DGKI: variants seen among roughly 807,000 people sequenced by gnomAD.
The protein encoded by DGKI is diacylglycerol kinase iota.
Under a neutral mutation model 147.5 loss-of-function variants are expected in DGKI, and 55 were observed. The ratio of observed to expected loss-of-function variants is 0.37; its 90% CI spans 0.30 to 0.47. The LOEUF is 0.47. DGKI is among the 20% of genes least tolerant of loss of function. The pLI, the probability that DGKI is intolerant of heterozygous loss-of-function variation, is 1.00. For synonymous variants in DGKI, 469 were observed against 477.1 expected (o/e 0.98, Z 0.22); for missense variants, 1,007 against 1,323.8 (o/e 0.76, Z 3.71).
At chr7:137,525,918 G>A (rs1262330573) in intron 20 of DGKI, among the ~76,000 whole-genome samples, 1 of 151,846 alleles carries the variant, frequency 6.6e-6, no homozygotes, top group Non-Finnish European at 1.5e-5. Context: ...CTTGGCTGGT[G>A]GCATGACATT....
chr7:137,588,668 G>A (rs1462788482), intron 12 of DGKI, among the ~76,000 whole-genome samples: 1 of 151,928 alleles, frequency 6.6e-6, no homozygotes, highest in Non-Finnish European at 1.5e-5. Context: ...AGTAGAGACG[G>A]GGTTTCACCG....
At chr7:137,614,713 T>C (rs1269962112) in intron 8 of DGKI, among the ~76,000 whole-genome samples, 1 of 152,254 alleles carries the variant, frequency 6.6e-6, no homozygotes, top group East Asian at 1.9e-4. Flanking sequence ...GCATCAAGGT[T>C]TCACAGAGCT....
intron 1 of DGKI, among the ~76,000 whole-genome samples, chr7:137,716,060 T>C (rs1794367064): frequency 6.6e-6 from 1 of 152,118 alleles, no homozygotes. Context: ...GAGCAAGAGT[T>C]TGAAGCTCTG....
At chr7:137,830,454 T>G (rs1475473029) in intron 1 of DGKI, among the ~76,000 whole-genome samples, 1 of 152,198 alleles carries the variant, frequency 6.6e-6, no homozygotes, top group Non-Finnish European at 1.5e-5. Flanking sequence ...ATCCCAGACT[T>G]GAAACCTGTT....
chr7:137,699,032 C>T (rs150282333), intron 1 of DGKI, among the ~76,000 whole-genome samples: 1 of 152,192 alleles, frequency 6.6e-6, no homozygotes, highest in Non-Finnish European at 1.5e-5. Flanking sequence ...TTATGAACAA[C>T]AGACATTTAT....
At chr7:137,499,356 A>G (rs975751277) in intron 21 of DGKI, among the ~76,000 whole-genome samples, 4 of 152,126 alleles carry the variant, frequency 2.6e-5, no homozygotes, top group African/African-American at 9.7e-5. Context: ...TTATGTGTCA[A>G]CTTGACTTGG....
At chr7:137,397,330 G>A in intron 31 of DGKI, 47 bp downstream of exon 31, 2 of 1,552,746 alleles carry the variant, frequency 1.3e-6, no homozygotes, top group South Asian at 2.3e-5. Context: ...TCCCAGATAT[G>A]TTCTGAAGAA....
intron 1 of DGKI, among the ~76,000 whole-genome samples, chr7:137,768,021 CACAA>C (rs987017479): frequency 1.3e-5 from 2 of 152,122 alleles, no homozygotes; most frequent in African/African-American, 4.8e-5. Flanking sequence ...ACAAAACAAA[CACAA>C]ACAAACAAAA....
intron 3 of DGKI, among the ~76,000 whole-genome samples, chr7:137,678,316 T>A (rs79937540): frequency 0.021 from 3,187 of 152,264 alleles, 54 homozygotes; most frequent in Non-Finnish European, 0.031. Context: ...GGCATCATTA[T>A]AAAGTAACAC....
chr7:137,650,472 G>T (rs1161395819), intron 5 of DGKI, among the ~76,000 whole-genome samples: 1 of 152,198 alleles, frequency 6.6e-6, no homozygotes, highest in East Asian at 1.9e-4. Flanking sequence ...AAGGACTGGG[G>T]TTTGTGTCCC....
chr7:137,781,166 T>C (rs1796506960), intron 1 of DGKI, among the ~76,000 whole-genome samples: 1 of 152,104 alleles, frequency 6.6e-6, no homozygotes, highest in Admixed American at 6.5e-5. Context: ...GGGCTGTGCA[T>C]CTGAGACAGC....
intron 1 of DGKI, among the ~76,000 whole-genome samples, chr7:137,845,336 A>G (rs1798680108): frequency 6.6e-6 from 1 of 151,862 alleles, no homozygotes; most frequent in Non-Finnish European, 1.5e-5. Flanking sequence ...AAACCCACAC[A>G]CCTCTGTCAT....
At chr7:137,427,783 A>G (rs1474888568) in intron 28 of DGKI, among the ~76,000 whole-genome samples, 2 of 152,236 alleles carry the variant, frequency 1.3e-5, no homozygotes, top group Admixed American at 6.5e-5. Context: ...CTCTACGCAA[A>G]TCAACTAGAA....
Position 137,656,535 on chromosome 7 carries a change from T to C in DGKI, c.612A>G (p.Ser204=), listed in dbSNP as rs113672951. 1 of 1,614,130 alleles carries C rather than the reference T, an allele frequency of 6.2e-7. No homozygotes were observed. Among genetic ancestry groups the C allele is most frequent in the Non-Finnish European group, 8.5e-7 (1 of 1,179,988 alleles). ...EENCQVRFAK[S]ALRRKCAVCK... ...AGACTGCACACTTCCTCCTGAGAGCTGATTTCTACAATATTCAATTCAAAA... is the reference window on the plus strand; with the variant it reads ...AGACTGCACACTTCCTCCTGAGAGCCGATTTCTACAATATTCAATTCAAAA... Residue 204 remains serine, a synonymous_variant, in exon 4 of 33, where the codon TCA becomes TCG. Coordinates refer to ENST00000614521, the MANE Select transcript of DGKI (RefSeq NM_001321708.2).
intron 20 of DGKI, among the ~76,000 whole-genome samples, chr7:137,542,921 T>C (rs10081252): frequency 0.06 from 9,088 of 152,240 alleles, 672 homozygotes; most frequent in African/African-American, 0.17. Flanking sequence ...GCTTCTCCAA[T>C]ATCCCACAGA....
intron 10 of DGKI, among the ~76,000 whole-genome samples, chr7:137,603,138 T>C (rs1255425014): frequency 1.3e-5 from 2 of 152,042 alleles, no homozygotes; most frequent in East Asian, 3.9e-4. Context: ...CAGTTTTAGG[T>C]AGGAGAATAC....
At chr7:137,417,290 TCA>T (rs1298207052) in intron 28 of DGKI, among the ~76,000 whole-genome samples, 1 of 152,200 alleles carries the variant, frequency 6.6e-6, no homozygotes, top group Non-Finnish European at 1.5e-5. Flanking sequence ...GAAAATTAAA[TCA>T]CAAACTTATG....
chr7:137,545,846 C>G, intron 20 of DGKI: 1 of 690,628 alleles, frequency 1.4e-6, no homozygotes, highest in Non-Finnish European at 2.6e-6. Context: ...TAGTCCAACC[C>G]TGAGGAGACG....
intron 1 of DGKI, among the ~76,000 whole-genome samples, chr7:137,835,839 T>C (rs527562613): frequency 6.6e-6 from 1 of 152,314 alleles, no homozygotes; most frequent in South Asian, 2.1e-4. Flanking sequence ...TGAAACAGCA[T>C]CCTGCAGTGA....
Sources: gnomAD v4.1 joint callset for allele counts (sites outside exome capture counted in the v4.1 genomes callset) on GRCh38, gnomAD v4.1.1 for gene constraint, MANE v1.5 for transcripts, NCBI Gene and HGNC (gene_info 2026-07-23, HGNC 2026-07-21) for gene names.